PTPRT: variants seen among roughly 807,000 people sequenced by gnomAD.
PTPRT encodes receptor-type tyrosine-protein phosphatase T.
A neutral mutation model predicts 176.8 loss-of-function variants in PTPRT; 56 were observed. The ratio of observed to expected loss-of-function variants is 0.32; its 90% CI spans 0.26 to 0.40. The LOEUF (loss-of-function observed/expected upper bound fraction) is 0.40. Among genes scored for constraint, PTPRT ranks in the 10% least tolerant of loss-of-function variants. PTPRT has a pLI of 1.00. For missense variants in PTPRT, 1,540 were observed against 1,908.2 expected (o/e 0.81, Z 3.60); for synonymous variants, 783 against 739.0 (o/e 1.06, Z -0.96).
chr20:42,147,564 T>C (rs1480386271), intron 17 of PTPRT, among the ~76,000 whole-genome samples: 1 of 152,210 alleles, frequency 6.6e-6, no homozygotes, highest in Non-Finnish European at 1.5e-5. Flanking sequence ...CATGAAAGTC[T>C]CTTGTATTCA....
intron 1 of PTPRT, among the ~76,000 whole-genome samples, chr20:43,129,706 C>T (rs2013581420): frequency 6.8e-6 from 1 of 147,408 alleles, no homozygotes; most frequent in African/African-American, 2.5e-5. Flanking sequence ...GCAAGCTCCG[C>T]CTCCCGGGTT....
intron 1 of PTPRT, among the ~76,000 whole-genome samples, chr20:43,010,392 C>T (rs1201467731): frequency 6.6e-6 from 1 of 152,140 alleles, no homozygotes; most frequent in Non-Finnish European, 1.5e-5. Flanking sequence ...TCACACTCAC[C>T]TTGCTGATCC....
intron 15 of PTPRT, among the ~76,000 whole-genome samples, chr20:42,232,143 C>A (rs1239268536): frequency 6.6e-6 from 1 of 152,214 alleles, no homozygotes; most frequent in Non-Finnish European, 1.5e-5. Context: ...CAATGCCTAG[C>A]ATGCAGAGGA....
At chr20:42,066,173 G>T in the PTPRT span, among the ~76,000 whole-genome samples, 1 of 151,204 alleles carries the variant, frequency 6.6e-6, no homozygotes, top group African/African-American at 2.4e-5. Context: ...CTGAGTAGCT[G>T]GGATTACAGG....
At chr20:42,210,403 C>A (rs867211435) in intron 15 of PTPRT, among the ~76,000 whole-genome samples, 1 of 151,560 alleles carries the variant, frequency 6.6e-6, no homozygotes, top group African/African-American at 2.4e-5. Context: ...AAAACCCCAT[C>A]GTCTCAGCCC....
intron 16 of PTPRT, among the ~76,000 whole-genome samples, chr20:42,195,092 A>G (rs1361836656): frequency 3.3e-5 from 5 of 152,210 alleles, no homozygotes; most frequent in South Asian, 4.1e-4. Context: ...CCAACATGGT[A>G]CATGTATACA....
chr20:42,940,052 A>G (rs917452978), intron 1 of PTPRT, among the ~76,000 whole-genome samples: 7 of 152,174 alleles, frequency 4.6e-5, no homozygotes, highest in Non-Finnish European at 1.0e-4. Context: ...CTTTTAATAC[A>G]TAATATCTGA....
At chr20:42,883,491 T>C (rs147706710) in intron 2 of PTPRT, among the ~76,000 whole-genome samples, 187 of 151,376 alleles carry the variant, frequency 1.2e-3, no homozygotes, top group Middle Eastern at 6.8e-3. Flanking sequence ...GGAAAGTGAG[T>C]AGACAGGGAA....
intron 1 of PTPRT, among the ~76,000 whole-genome samples, chr20:43,169,232 G>T (rs910152138): frequency 6.6e-6 from 1 of 152,178 alleles, no homozygotes; most frequent in African/African-American, 2.4e-5. Context: ...GAGTCACTGC[G>T]ATTAGGGCAA....
chr20:42,865,449 T>C (rs908470899), intron 2 of PTPRT, among the ~76,000 whole-genome samples: 2 of 152,230 alleles, frequency 1.3e-5, no homozygotes, highest in African/African-American at 4.8e-5. Flanking sequence ...TATTCAATAT[T>C]CATTGAGGGC....
In PTPRT at chr20:42,702,514, C is replaced by G. The variant is rs534621969; in HGVS notation, c.860-24355G>C. On this transcript the variant is annotated intron_variant, in intron 6 of 30. Transcript: ENST00000373187. ...CATCTGACAAAGCTCCCTTGACACA[C>G]TGAACCCCCATGGATCCTTTTCCCC... Among the ~76,000 whole-genome samples the G allele has an allele frequency of 7.9e-5, 12 of 152,288 alleles. No homozygotes were observed. In the South Asian group the frequency reaches 2.5e-3, roughly 32 times the overall value.
intron 11 of PTPRT, 61 bp from the exon 12 acceptor site, chr20:42,316,057 G>C: frequency 6.4e-7 from 1 of 1,568,590 alleles, no homozygotes; most frequent in Non-Finnish European, 8.7e-7. Flanking sequence ...GAGCTTGTTA[G>C]CTCTAATGGT....
chr20:42,861,641 A>G (rs2078663037), intron 2 of PTPRT, among the ~76,000 whole-genome samples: 1 of 152,174 alleles, frequency 6.6e-6, no homozygotes, highest in African/African-American at 2.4e-5. Flanking sequence ...AGATGAATAA[A>G]ATGCCAAATA....
rs370878104 is a variant in PTPRT, at chr20:42,854,064, C to T, written c.214+31743G>A. Among the ~76,000 whole-genome samples, 27 of 152,280 alleles carry T rather than the reference C, an allele frequency of 1.8e-4. No individual in the cohort carries two copies. The East Asian group carries it at 5.0e-3, about 28-fold the overall frequency. ...AATCATTGGAGTAGAACTGGGGAGA[C>T]CTGCAGTACCATTACGGCTCACAAT... is the stretch of plus-strand genomic sequence containing the variant. On this transcript the variant is annotated intron_variant, in intron 2 of 30. Coordinates refer to ENST00000373187, the MANE Select transcript of PTPRT (RefSeq NM_007050.6).
intron 2 of PTPRT, among the ~76,000 whole-genome samples, chr20:42,838,504 A>G (rs1164131144): frequency 2.6e-5 from 4 of 152,168 alleles, no homozygotes; most frequent in Non-Finnish European, 5.9e-5. Flanking sequence ...AACACTGGAC[A>G]TTGGAGGACC....
At chr20:43,082,086 G>C (rs2011457346) in intron 1 of PTPRT, among the ~76,000 whole-genome samples, 1 of 152,042 alleles carries the variant, frequency 6.6e-6, no homozygotes. Context: ...TGTTATTGTG[G>C]TTATTTTCCT....
chr20:43,019,071 C>A (rs1397764963), intron 1 of PTPRT, among the ~76,000 whole-genome samples: 2 of 151,998 alleles, frequency 1.3e-5, no homozygotes, highest in Non-Finnish European at 2.9e-5. Context: ...CCTAAATGCC[C>A]TACAATAGTA....
chr20:42,126,065 A>C (rs933408323), intron 19 of PTPRT, among the ~76,000 whole-genome samples: 1 of 151,330 alleles, frequency 6.6e-6, no homozygotes, highest in African/African-American at 2.4e-5. Flanking sequence ...CTAAACTGGG[A>C]GCCATTCAGG....
chr20:42,781,007 C>T (rs182848736), intron 3 of PTPRT, among the ~76,000 whole-genome samples: 1 of 152,226 alleles, frequency 6.6e-6, no homozygotes, highest in Non-Finnish European at 1.5e-5. Flanking sequence ...TCCACTTTAG[C>T]CCCACTTTCA....
Sources: gnomAD v4.1 joint callset for allele counts (sites outside exome capture counted in the v4.1 genomes callset) on GRCh38, gnomAD v4.1.1 for gene constraint, MANE v1.5 for transcripts, NCBI Gene and HGNC (gene_info 2026-07-23, HGNC 2026-07-21) for gene names.